MCM3AP: variants seen among roughly 807,000 people sequenced by gnomAD.
The protein encoded by MCM3AP is germinal-center associated nuclear protein.
A neutral mutation model predicts 184.1 loss-of-function variants in MCM3AP; 126 were observed. That is an observed-to-expected ratio of 0.68 (90% CI 0.59 to 0.79). The LOEUF (loss-of-function observed/expected upper bound fraction) is 0.79, where lower values mean the gene tolerates loss of function less well. Among genes scored for constraint, MCM3AP ranks in the 30% least tolerant of loss-of-function variants. The pLI is 0.00. For synonymous variants in MCM3AP, 1,002 were observed against 979.3 expected, an observed-to-expected ratio of 1.02 and a Z score of -0.43; for missense variants, 2,496 against 2,479.2, an observed-to-expected ratio of 1.01 and a Z score of -0.14.
At chr21:46,248,665 T>G (rs555258983) in intron 20 of MCM3AP, among the ~76,000 whole-genome samples, 1 of 149,474 alleles carries the variant, frequency 6.7e-6, no homozygotes, top group South Asian at 2.1e-4. Flanking sequence ...AAAGAAAACT[T>G]AGACCCCAAA....
chr21:46,263,019 A>C (rs2081061246), intron 13 of MCM3AP, among the ~76,000 whole-genome samples: 1 of 148,920 alleles, frequency 6.7e-6, no homozygotes, highest in East Asian at 2.0e-4. Flanking sequence ...AATATCCCTC[A>C]TGAATATGGA....
At chr21:46,246,493 T>G in intron 21 of MCM3AP, 89 bp from the exon 22 acceptor site, 1 of 1,401,566 alleles carries the variant, frequency 7.1e-7, no homozygotes, top group South Asian at 1.2e-5. Context: ...CACCCAGTCC[T>G]GCAGTGGACA....
chr21:46,246,147 T>C (rs2080762562), intron 22 of MCM3AP, among the ~76,000 whole-genome samples, 160 bp downstream of exon 22: 1 of 152,206 alleles, frequency 6.6e-6, no homozygotes, highest in South Asian at 2.1e-4. Flanking sequence ...TAGTTTGAGG[T>C]TGCAGGGAGC....
chr21:46,265,256 T>C lies in MCM3AP; in HGVS notation c.3234+65A>G, dbSNP rs2081094203. 4.7e-6 allele frequency: 7 copies of C among 1,478,704 alleles called. No homozygotes were observed. The East Asian group carries it at 1.6e-4, about 34-fold the overall frequency. The allele number at this position is 1,478,704 out of a possible 1,614,324, so 91.6% of individuals were successfully genotyped here. ...GCCACAGCCCCACCTCATGGGGTGA[T>C]GACTAAGGACGTTTGCGCACAATGG... On this transcript the variant is annotated intron_variant, in intron 12 of 27. Coordinates refer to ENST00000291688, the MANE Select transcript of MCM3AP (RefSeq NM_003906.5).
chr21:46,281,220 A>T (rs1191590580), intron 2 of MCM3AP, among the ~76,000 whole-genome samples: 1 of 152,220 alleles, frequency 6.6e-6, no homozygotes, highest in Non-Finnish European at 1.5e-5. Context: ...AAGTTTGCGA[A>T]GTCACAATTA....
rs6518286 is a variant in MCM3AP at position 46,262,763 on chromosome 21, T to G, written c.3336-1352A>C. On this transcript the variant is annotated intron_variant, in intron 13 of 27. Transcript: ENST00000291688. ...CGGGTGGATCAGGAGGTCAGGAGAT[T>G]GAGACCATCCTGGCTAACACAGTGA... Among the ~76,000 whole-genome samples the G allele has an allele frequency of 6.0e-5, 9 of 150,952 alleles. No homozygotes were observed. The South Asian group carries it at 6.3e-4, about 11-fold the overall frequency.
intron 6 of MCM3AP, among the ~76,000 whole-genome samples, chr21:46,274,294 A>T (rs768190601): frequency 6.6e-6 from 1 of 152,272 alleles, no homozygotes; most frequent in African/African-American, 2.4e-5. Flanking sequence ...ATACATGGAT[A>T]ATGTTCAGGA....
At chr21:46,283,917 A>T in intron 1 of MCM3AP, 79 bp from the exon 2 acceptor site, 1 of 1,549,484 alleles carries the variant, frequency 6.5e-7, no homozygotes, top group Non-Finnish European at 8.8e-7. Flanking sequence ...GAAGCAGAGG[A>T]AATTTTCAGA....
In MCM3AP at chr21:46,260,777, C is replaced by T. The variant is rs1159806447; in HGVS notation, c.3581+16G>A. 1 of 1,575,196 alleles carries T rather than the reference C, an allele frequency of 6.3e-7. No homozygotes were observed. Among genetic ancestry groups the T allele is most frequent in the African/African-American group, 1.3e-5 (1 of 74,136 alleles). On this transcript the variant is annotated intron_variant, in intron 15 of 27. Transcript: ENST00000291688. The stretch of plus-strand genomic sequence containing the variant: ...CTCACTCTCCTGGCACAGCAAGACA[C>T]CAGCGTTTCACTTACTTCAACTCCT...
At chr21:46,267,229 C>T (rs756446318) in intron 9 of MCM3AP, 87 bp from the exon 10 acceptor site, 55 of 1,327,828 alleles carry the variant, frequency 4.1e-5, no homozygotes, top group Middle Eastern at 2.3e-4. Context: ...CCATGGCCAG[C>T]GTGGGGCACA....
At chr21:46,255,454 G>C (rs1186795177) in intron 17 of MCM3AP, among the ~76,000 whole-genome samples, 1 of 152,094 alleles carries the variant, frequency 6.6e-6, no homozygotes. Context: ...ACACGATTGG[G>C]GCCCAGGGTG....
At chr21:46,235,560 A>T in intron 27 of MCM3AP, 134 bp from the exon 28 acceptor site, 1 of 710,718 alleles carries the variant, frequency 1.4e-6, no homozygotes, top group East Asian at 2.7e-5. Flanking sequence ...AGGGAAAAAA[A>T]TTATCCTTTG....
At chr21:46,266,289 A>C in intron 10 of MCM3AP, 123 bp from the exon 11 acceptor site, 8 of 1,098,946 alleles carry the variant, frequency 7.3e-6, no homozygotes, top group Admixed American at 2.6e-5. Context: ...AAATAACAGA[A>C]AGCACAGGCG....
Position 46,235,291 on chromosome 21 carries a change from G to A in MCM3AP, c.5920C>T (p.Leu1974=). The part of the protein sequence containing the change: ...EVASELHLSA[L]LDMVDI Reference sequence around the variant, plus strand: ...GCTCAAATGTCCACCATGTCTAGCAGCGCAGAGAGATGGAGCTCAGAGGCA... The same window carrying A: ...GCTCAAATGTCCACCATGTCTAGCAACGCAGAGAGATGGAGCTCAGAGGCA... Residue 1974 remains leucine (L), a synonymous_variant, in exon 28 of 28, where the codon CTG becomes TTG. Transcript: ENST00000291688. The A allele has an allele frequency of 1.2e-6, 2 of 1,614,214 alleles. No homozygotes were observed. Among genetic ancestry groups the A allele is most frequent in the South Asian group, 1.1e-5 (1 of 91,078 alleles).
intron 26 of MCM3AP, among the ~76,000 whole-genome samples, chr21:46,239,291 A>G (rs2080605319): frequency 6.6e-6 from 1 of 152,226 alleles, no homozygotes; most frequent in South Asian, 2.1e-4. Flanking sequence ...CACGACCTCC[A>G]TCTTAACTCA....
rs114444207 is a variant in MCM3AP at position 46,255,752 on chromosome 21, G to A, written c.3933-908C>T. On this transcript the variant is annotated intron_variant, in intron 17 of 27. Coordinates refer to ENST00000291688, the MANE Select transcript of MCM3AP (RefSeq NM_003906.5). Reference sequence around the variant, plus strand: ...GGTGACAGGGCTATCACCAGGGGGTGCGCAGAAGGGCAGAGGGCAGAGGTC... The same window carrying A: ...GGTGACAGGGCTATCACCAGGGGGTACGCAGAAGGGCAGAGGGCAGAGGTC... Among the ~76,000 whole-genome samples the A allele has an allele frequency of 5.3e-3, 799 of 151,950 alleles. 9 individuals are homozygous for A. The highest frequency in any genetic ancestry group is 0.018 in the African/African-American group (763 of 41,422).
At chr21:46,260,751 G>T in intron 15 of MCM3AP, 42 bp downstream of exon 15, 2 of 1,408,466 alleles carry the variant, frequency 1.4e-6, no homozygotes, top group African/African-American at 1.4e-5. Context: ...CAGAGCCAAA[G>T]CTCACTCTCC....
At chr21:46,261,008 G>T in intron 14 of MCM3AP, 102 bp from the exon 15 acceptor site, 1 of 980,286 alleles carries the variant, frequency 1.0e-6, no homozygotes. Context: ...GAGGTGTGCT[G>T]CCTGAGTCGG....
rs1181672009 is a variant in MCM3AP, at chr21:46,270,559, C to T, written c.2470G>A (p.Val824Ile). ...SLNKGDILREVQQFHPAVRNS... is the reference protein window; with the variant it reads ...SLNKGDILREIQQFHPAVRNS... ...CTAACAGCAGGATGGAACTGTTGTA[C>T]TTCTCTGTTAATTAAAGGAGAGAAA... Residue 824 changes from valine (V) to isoleucine (I), a missense_variant, in exon 9 of 28, where the codon GTA becomes ATA. Around this residue, in one of 5 missense-constraint regions of MCM3AP, gnomAD observed 138 missense variants for 191.9 expected, o/e 0.72. Coordinates refer to ENST00000291688, the MANE Select transcript of MCM3AP (RefSeq NM_003906.5). 4 of 1,594,866 alleles carry T rather than the reference C, an allele frequency of 2.5e-6. No homozygotes were observed. Among genetic ancestry groups the T allele is most frequent in the African/African-American group, 1.4e-5 (1 of 73,852 alleles).
Sources: gnomAD v4.1 joint callset for allele counts (sites outside exome capture counted in the v4.1 genomes callset) on GRCh38, gnomAD v4.1.1 for gene constraint, gnomAD v4.1.1 regional missense constraint, MANE v1.5 for transcripts, NCBI Gene and HGNC (gene_info 2026-07-23, HGNC 2026-07-21) for gene names.